Variants in CELF5 observed in about 807,000 individuals in gnomAD.
The protein encoded by CELF5 is CUGBP Elav-like family member 5, also known as CUG-BP and ETR-3 like factor 5.
Under a neutral mutation model 54.9 loss-of-function variants are expected in CELF5, and 6 were observed. The ratio of observed to expected loss-of-function variants is 0.11; its 90% CI spans 0.06 to 0.22. The LOEUF is 0.22. CELF5 is among the 10% of genes least tolerant of loss of function. CELF5 has a pLI of 1.00. For synonymous variants in CELF5, 271 were observed against 290.9 expected, an observed-to-expected ratio of 0.93 and a Z score of 0.70; for missense variants, 401 against 678.6, an observed-to-expected ratio of 0.59 and a Z score of 4.54.
chr19:3,246,604 T>G (rs937106111), intron 1 of CELF5, among the ~76,000 whole-genome samples: 1 of 151,742 alleles, frequency 6.6e-6, no homozygotes, highest in African/African-American at 2.4e-5. Flanking sequence ...TCCCAGCTAC[T>G]TGGGAGGCTG....
Position 3,278,846 on chromosome 19 carries a change from C to G in CELF5, c.603+736C>G, listed in dbSNP as rs2080101342. 6.6e-6 allele frequency among the ~76,000 whole-genome samples: 1 copy of G among 151,344 alleles called. No homozygotes were observed. Among genetic ancestry groups the G allele is most frequent in the South Asian group, 2.1e-4 (1 of 4,820 alleles). On this transcript the variant is annotated intron_variant, in intron 5 of 12. Coordinates refer to ENST00000292672, the MANE Select transcript of CELF5 (RefSeq NM_021938.4). The surrounding 1 kb of genome is among the most constrained non-coding windows in gnomAD (Gnocchi z 4.5). ...GTAAGGGTATCCTAAGGGGATGACA[C>G]CTGGGTTGGATTTGCTGAGGCCAGG...
rs552459588 is a variant in CELF5, at chr19:3,285,911, C to T, written c.1103-31C>T. On this transcript the variant is annotated intron_variant, in intron 9 of 12. Coordinates refer to ENST00000292672, the MANE Select transcript of CELF5 (RefSeq NM_021938.4). ...CCGCCCACGTGGCCTCACGCCCCTC[C>T]TCGCCCTGTGTCTCGCTCCGGTCTC... 1.6e-5 allele frequency: 25 copies of T among 1,529,084 alleles called. 1 individual carries two copies. The South Asian group carries it at 3.1e-4, about 19-fold the overall frequency. The allele number at this position is 1,529,084 out of a possible 1,614,324, so 94.7% of individuals were successfully genotyped here. A position where few individuals can be genotyped will look rare whatever the true frequency, so the allele number is the denominator to read the frequency against.
At position 3,268,514 on chromosome 19, in the gene CELF5, A is replaced by G. The variant is rs374952292; in HGVS notation, c.343-5358A>G. ...AAATTGTAAGACACTGCCTGGCACC[A>G]GCTCTTGGGTGACTTCCCGTGCCAG... is the stretch of plus-strand genomic sequence containing the variant. On this transcript the variant is annotated intron_variant, in intron 2 of 12. Coordinates refer to ENST00000292672, the MANE Select transcript of CELF5 (RefSeq NM_021938.4). This position sits in a 1 kb window ranked among gnomAD's most constrained non-coding sequence, Gnocchi z 4.4. Among the ~76,000 whole-genome samples the G allele has an allele frequency of 6.6e-6, 1 of 152,182 alleles. No individual in the cohort carries two copies. Among genetic ancestry groups the G allele is most frequent in the African/African-American group, 2.4e-5 (1 of 41,448 alleles).
At position 3,278,134 on chromosome 19, in the gene CELF5, G is replaced by T. The variant is rs781281870; in HGVS notation, c.603+24G>T. The T allele has an allele frequency of 3.4e-6, 5 of 1,469,422 alleles. No individual in the cohort carries two copies. In the Admixed American group the frequency reaches 5.1e-5, roughly 15 times the overall value. The allele number at this position is 1,469,422 out of a possible 1,614,324, so 91.0% of individuals were successfully genotyped here. A position where few individuals can be genotyped will look rare whatever the true frequency, so the allele number is the denominator to read the frequency against. On this transcript the variant is annotated intron_variant, in intron 5 of 12. Coordinates refer to ENST00000292672, the MANE Select transcript of CELF5 (RefSeq NM_021938.4). This position sits in a 1 kb window ranked among gnomAD's most constrained non-coding sequence, Gnocchi z 4.5. ...CGGTGAGTTGGAGCTGCCCTTGGCC[G>T]TGGGGGTGGGGGTGGGAAAGGGGTG...
In CELF5 at chr19:3,278,334, G is replaced by A. The variant is rs2080090191; in HGVS notation, c.603+224G>A. On this transcript the variant is annotated intron_variant, in intron 5 of 12. Transcript: ENST00000292672. This position sits in a 1 kb window ranked among gnomAD's most constrained non-coding sequence, Gnocchi z 4.5. ...ATGTGGAGGTGAGTAGGCAAGCGAA[G>A]TGTATGTGTGTGCATGGATGTATTA... is the stretch of plus-strand genomic sequence containing the variant. Among the ~76,000 whole-genome samples the A allele has an allele frequency of 1.3e-5, 2 of 152,076 alleles. No individual in the cohort carries two copies. The highest frequency in any genetic ancestry group is 4.8e-5 in the African/African-American group (2 of 41,394).
At chr19:3,256,461 C>T (rs1015345234) in intron 2 of CELF5, among the ~76,000 whole-genome samples, 1 of 152,044 alleles carries the variant, frequency 6.6e-6, no homozygotes, top group Non-Finnish European at 1.5e-5. Context: ...AGAAAATAAG[C>T]AAGCCAGTGA....
intron 3 of CELF5, among the ~76,000 whole-genome samples, chr19:3,274,703 TG>T (rs2080019315): frequency 1.3e-5 from 2 of 152,062 alleles, no homozygotes; most frequent in South Asian, 4.1e-4. Context: ...CCATCTCAAG[TG>T]GAGACTGAAG....
At chr19:3,276,559 G>A (rs982273349) in intron 4 of CELF5, among the ~76,000 whole-genome samples, 3 of 151,828 alleles carry the variant, frequency 2.0e-5, no homozygotes, top group Admixed American at 6.6e-5. Flanking sequence ...GCCAATAGGA[G>A]GCTGGGGCTG....
rs1193033557 is a variant in CELF5 at position 3,282,345 on chromosome 19, T to C, written c.893-7T>C. On this transcript the variant is annotated splice_polypyrimidine_tract_variant and splice_region_variant and intron_variant, in intron 7 of 12. Transcript: ENST00000292672. The surrounding 1 kb of genome is among the most constrained non-coding windows in gnomAD (Gnocchi z 5.2). ...TGGCCTCCCCATGACCCTCTTCCGCTCTGCAGGGCTGCACTCACCCCCGCT... is the reference window on the plus strand; with the variant it reads ...TGGCCTCCCCATGACCCTCTTCCGCCCTGCAGGGCTGCACTCACCCCCGCT... 1 of 1,608,724 alleles carries C rather than the reference T, an allele frequency of 6.2e-7. No homozygotes were observed. The highest frequency in any genetic ancestry group is 2.2e-5 in the East Asian group (1 of 44,884).
chr19:3,247,015 G>A (rs893811586), intron 1 of CELF5, among the ~76,000 whole-genome samples: 16 of 152,202 alleles, frequency 1.1e-4, no homozygotes, highest in African/African-American at 3.4e-4. Flanking sequence ...CACATGGTGG[G>A]GACACCATCG....
chr19:3,257,484 A>T (rs543543689), intron 2 of CELF5, among the ~76,000 whole-genome samples: 220 of 146,738 alleles, frequency 1.5e-3, no homozygotes, highest in African/African-American at 5.2e-3. Flanking sequence ...TATTATTATT[A>T]TTTTTTTTGA....
Position 3,281,315 on chromosome 19 carries a change from C to A in CELF5, c.720C>A (p.Pro240=). The change falls in exon 6 of 13, where the codon CCC becomes CCA. Residue 240 remains proline, a synonymous_variant. Coordinates refer to ENST00000292672, the MANE Select transcript of CELF5 (RefSeq NM_021938.4). This position sits in a 1 kb window ranked among gnomAD's most constrained non-coding sequence, Gnocchi z 6.5. The part of the protein sequence containing the change: ...LGILTPSLTL[P]FSPYSAYAQA... ...TCCTGACGCCGTCCCTCACATTGCC[C>A]TTCAGCCCCTACAGTGCCTACGCCC... 1 of 1,610,770 alleles carries A rather than the reference C, an allele frequency of 6.2e-7. No homozygotes were observed.
At chr19:3,270,557 G>A (rs1219027005) in intron 2 of CELF5, 1 of 147,308 alleles carries the variant, frequency 6.8e-6, no homozygotes, top group Non-Finnish European at 1.5e-5. Flanking sequence ...CAGGGCGCGC[G>A]GCGCGGGGCC....
At chr19:3,273,816 CG>C in intron 2 of CELF5, 55 bp from the exon 3 acceptor site, 29 of 1,257,774 alleles carry the variant, frequency 2.3e-5, no homozygotes, top group African/African-American at 5.9e-5. Context: ...CAAAACCCCC[CG>C]CCTGCCACAC....
chr19:3,279,739 G>T (rs2080116230), intron 5 of CELF5, among the ~76,000 whole-genome samples: 1 of 152,088 alleles, frequency 6.6e-6, no homozygotes, highest in Non-Finnish European at 1.5e-5. Context: ...GTCTCGCTCT[G>T]TCGCCCAGGT....
intron 2 of CELF5, among the ~76,000 whole-genome samples, chr19:3,265,051 G>A (rs2079862418): frequency 6.6e-6 from 1 of 152,094 alleles, no homozygotes; most frequent in South Asian, 2.1e-4. Context: ...ATTTATCTAT[G>A]GAAGGCCGGG....
At position 3,287,702 on chromosome 19, in the gene CELF5, A is replaced by G. The variant is rs529436636; in HGVS notation, c.1186+1677A>G. ...CAGGAGGTCAAGGCTGCACTGAGCC[A>G]AGATCATGCCACTGCACTGCAGCCT... On this transcript the variant is annotated intron_variant, in intron 10 of 12. Coordinates refer to ENST00000292672, the MANE Select transcript of CELF5 (RefSeq NM_021938.4). Among the ~76,000 whole-genome samples, 30 of 152,304 alleles carry G rather than the reference A, an allele frequency of 2.0e-4. 2 individuals carry two copies. Among genetic ancestry groups the G allele is most frequent in the Admixed American group, 1.3e-3 (20 of 15,296 alleles).
intron 8 of CELF5, among the ~76,000 whole-genome samples, chr19:3,283,791 C>T (rs313786): frequency 0.29 from 44,110 of 151,694 alleles, 7,384 homozygotes; most frequent in East Asian, 0.74. Flanking sequence ...TGGCACCATA[C>T]AATTAATTCA....
rs1568369049 is a variant in CELF5 at position 3,293,468 on chromosome 19, G to A, written c.*22G>A. 4 of 1,613,182 alleles carry A rather than the reference G, an allele frequency of 2.5e-6. No individual in the cohort carries two copies. Among genetic ancestry groups the A allele is most frequent in the Middle Eastern group, 3.3e-4 (2 of 6,060 alleles). ...CTGACCGCGCCCACAGCCGCCCTGAGGCTGTAGGCATGGCCCAGGTGAGCC... is the reference window on the plus strand; with the variant it reads ...CTGACCGCGCCCACAGCCGCCCTGAAGCTGTAGGCATGGCCCAGGTGAGCC... On this transcript the variant is annotated 3_prime_UTR_variant, in exon 12 of 13. Transcript: ENST00000292672.
Sources: allele counts gnomAD v4.1 joint callset (sites outside exome capture counted in the v4.1 genomes callset), GRCh38; gene constraint gnomAD v4.1.1; non-coding constraint Gnocchi (gnomAD v3.1); transcripts MANE v1.5; gene names NCBI Gene and HGNC (gene_info 2026-07-23, HGNC 2026-07-21).